SEZ6L: variants seen among roughly 807,000 people sequenced by gnomAD.
SEZ6L encodes the protein seizure 6-like protein.
A neutral mutation model predicts 106.2 loss-of-function variants in SEZ6L; 37 were observed. That is an observed-to-expected ratio of 0.35 (90% CI 0.27 to 0.46). The LOEUF is 0.46. SEZ6L is among the 20% of genes least tolerant of loss of function. SEZ6L has a pLI of 1.00. For missense variants in SEZ6L, 1,172 were observed against 1,332.8 expected (o/e 0.88, Z 1.88); for synonymous variants, 541 against 570.4 (o/e 0.95, Z 0.73).
chr22:26,307,935 G>C (rs1042781645), intron 6 of SEZ6L, among the ~76,000 whole-genome samples: 3 of 152,070 alleles, frequency 2.0e-5, no homozygotes, highest in Non-Finnish European at 4.4e-5. Context: ...GTTTCTCTGG[G>C]GTCCTGCAAA....
At chr22:26,329,208 C>T (rs750242238) in intron 9 of SEZ6L, among the ~76,000 whole-genome samples, 2 of 152,118 alleles carry the variant, frequency 1.3e-5, no homozygotes, top group African/African-American at 2.4e-5. Context: ...TGGCTCAAAC[C>T]TGTAATCCCA....
rs141213108 is a variant in SEZ6L at position 26,298,057 on chromosome 22, C to G, written c.1163-927C>G. ...ATCAAATTGTCCAGACATTTGAAAA[C>G]AACAACAACTCATTTTCAACTTTTC... On this transcript the variant is annotated intron_variant, in intron 4 of 16. Coordinates refer to ENST00000248933, the MANE Select transcript of SEZ6L (RefSeq NM_021115.5). Among the ~76,000 whole-genome samples the G allele has an allele frequency of 4.2e-3, 632 of 152,198 alleles. 6 individuals are homozygous for G. In the Middle Eastern group the frequency reaches 0.044, roughly 11 times the overall value.
intron 1 of SEZ6L, among the ~76,000 whole-genome samples, chr22:26,197,511 C>G (rs764848453): frequency 6.6e-6 from 1 of 152,136 alleles, no homozygotes; most frequent in African/African-American, 2.4e-5. Context: ...GCTGAGGAGA[C>G]AGACAGGAGG....
intron 7 of SEZ6L, among the ~76,000 whole-genome samples, chr22:26,311,331 C>A (rs1392600199): frequency 6.6e-6 from 1 of 152,220 alleles, no homozygotes; most frequent in Non-Finnish European, 1.5e-5. Flanking sequence ...CCTGCTGAGA[C>A]CCTGACTCTT....
Position 26,363,070 on chromosome 22 carries a change from A to T in SEZ6L, c.2600-2302A>T, listed in dbSNP as rs138693274. On this transcript the variant is annotated intron_variant, in intron 12 of 16. Transcript: ENST00000248933. ...GGCAGAGACTGGGGCTAAAGTAAAG[A>T]ATATTCCTGGTCTAACAGGGAAAGC... Among the ~76,000 whole-genome samples, 3 of 152,350 alleles carry T rather than the reference A, an allele frequency of 2.0e-5. No homozygotes were observed. In the East Asian group the frequency reaches 5.8e-4, roughly 29 times the overall value.
At chr22:26,214,784 A>G (rs2078253033) in intron 1 of SEZ6L, among the ~76,000 whole-genome samples, 1 of 152,174 alleles carries the variant, frequency 6.6e-6, no homozygotes, top group Admixed American at 6.5e-5. Context: ...AAAAAGTAGA[A>G]AACACAGAAT....
In SEZ6L at chr22:26,369,638, C is replaced by T. The variant is rs142864361; in HGVS notation, c.2795-3813C>T. On this transcript the variant is annotated intron_variant, in intron 13 of 16. Coordinates refer to ENST00000248933, the MANE Select transcript of SEZ6L (RefSeq NM_021115.5). ...TACAGGCGGAGTCACTGCGCCCGGC[C>T]GTAAGCAGTTCCTAATAAGAGAACA... 1.4e-3 allele frequency among the ~76,000 whole-genome samples: 206 copies of T among 151,938 alleles called. 1 individual carries two copies. Among genetic ancestry groups the T allele is most frequent in the African/African-American group, 4.6e-3 (192 of 41,432 alleles).
At chr22:26,260,796 G>A (rs982730952) in intron 1 of SEZ6L, among the ~76,000 whole-genome samples, 2 of 152,078 alleles carry the variant, frequency 1.3e-5, no homozygotes, top group Non-Finnish European at 2.9e-5. Flanking sequence ...AGTTCTTTAA[G>A]GAATCTCTAC....
chr22:26,189,299 T>C (rs975098488), intron 1 of SEZ6L, among the ~76,000 whole-genome samples: 1 of 152,234 alleles, frequency 6.6e-6, no homozygotes, highest in African/African-American at 2.4e-5. Flanking sequence ...ATTTTATGTT[T>C]CCTGGCTGGG....
chr22:26,365,925 A>C (rs1231965716), intron 13 of SEZ6L, among the ~76,000 whole-genome samples: 1 of 152,124 alleles, frequency 6.6e-6, no homozygotes, highest in East Asian at 1.9e-4. Flanking sequence ...TACTTCATTA[A>C]ATCTAAGATG....
chr22:26,229,609 G>A (rs1419378477), intron 1 of SEZ6L, among the ~76,000 whole-genome samples: 2 of 152,288 alleles, frequency 1.3e-5, no homozygotes, highest in Non-Finnish European at 2.9e-5. Context: ...CCCAATTTGT[G>A]TGTAGCCTGA....
intron 1 of SEZ6L, among the ~76,000 whole-genome samples, chr22:26,277,074 G>A (rs1472048372): frequency 6.6e-6 from 1 of 151,044 alleles, no homozygotes; most frequent in Non-Finnish European, 1.5e-5. Flanking sequence ...ACGATTATCC[G>A]ATAATTACTC....
intron 12 of SEZ6L, among the ~76,000 whole-genome samples, chr22:26,353,035 A>T (rs2083329717): frequency 6.6e-6 from 1 of 152,246 alleles, no homozygotes; most frequent in Middle Eastern, 3.4e-3. Flanking sequence ...AAAAATTTCC[A>T]TTTCTGTGTT....
chr22:26,219,707 A>G (rs555173839), intron 1 of SEZ6L, among the ~76,000 whole-genome samples: 1 of 152,358 alleles, frequency 6.6e-6, no homozygotes, highest in Non-Finnish European at 1.5e-5. Context: ...AATCTCAGCA[A>G]TAAAGAGGAT....
chr22:26,306,093 G>A lies in SEZ6L; in HGVS notation c.1463G>A (p.Gly488Asp). 2 of 1,614,116 alleles carry A rather than the reference G, an allele frequency of 1.2e-6. No individual in the cohort carries two copies. The highest frequency in any genetic ancestry group is 8.5e-7 in the Non-Finnish European group (1 of 1,180,026). ...ATCTGGACGATTGAAGCTCCAGAGG[G>A]CCAGAAGCTGCACCTGCACTTTGAG... ...FCIWTIEAPE[G>D]QKLHLHFERL... Residue 488 changes from glycine (G) to aspartate (D), a missense_variant, in exon 6 of 17, where the codon GGC (glycine) becomes GAC (aspartate). Physicochemically the swap from Gly to Asp is moderately conservative, Grantham distance 94 (BLOSUM62 -1). This residue lies in a region of SEZ6L where 534 missense variants were observed against 691.0 expected (regional missense o/e 0.77). Transcript: ENST00000248933.
At chr22:26,374,290 A>G (rs2084143495) in intron 14 of SEZ6L, among the ~76,000 whole-genome samples, 1 of 151,296 alleles carries the variant, frequency 6.6e-6, no homozygotes, top group Non-Finnish European at 1.5e-5. Context: ...TTTTTACCAA[A>G]TCAAGCAGTT....
At chr22:26,239,020 C>T (rs1403050614) in intron 1 of SEZ6L, among the ~76,000 whole-genome samples, 1 of 152,142 alleles carries the variant, frequency 6.6e-6, no homozygotes, top group East Asian at 1.9e-4. Context: ...GCCAGGAGTT[C>T]AAGACTAGCC....
At chr22:26,352,899 A>G (rs2083325717) in intron 12 of SEZ6L, among the ~76,000 whole-genome samples, 1 of 152,236 alleles carries the variant, frequency 6.6e-6, no homozygotes, top group Non-Finnish European at 1.5e-5. Flanking sequence ...GTGCTAGTTC[A>G]TAAATTCAGC....
At chr22:26,362,658 A>T (rs895097453) in intron 12 of SEZ6L, among the ~76,000 whole-genome samples, 1 of 152,076 alleles carries the variant, frequency 6.6e-6, no homozygotes, top group Non-Finnish European at 1.5e-5. Flanking sequence ...AGCACTCAAG[A>T]TATATTTTCT....
Sources: gnomAD v4.1 joint callset for allele counts (sites outside exome capture counted in the v4.1 genomes callset) on GRCh38, gnomAD v4.1.1 for gene constraint, gnomAD v4.1.1 regional missense constraint, MANE v1.5 for transcripts, NCBI Gene and HGNC (gene_info 2026-07-23, HGNC 2026-07-21) for gene names.